MICAL3: variants seen among roughly 807,000 people sequenced by gnomAD.
The protein encoded by MICAL3 is microtubule associated monooxygenase, calponin and LIM domain containing 3.
In MICAL3, 62 loss-of-function variants were observed where a neutral mutation model predicts 207.4. The ratio of observed to expected loss-of-function variants is 0.30; its 90% CI spans 0.24 to 0.37. The LOEUF is 0.37. Ranked by LOEUF, MICAL3 falls within the 10% of genes least tolerant of loss-of-function variation. The pLI is 1.00. For synonymous variants in MICAL3, 1,077 were observed against 1,069.3 expected (o/e 1.01, Z -0.14); for missense variants, 2,368 against 2,635.6 (o/e 0.90, Z 2.22).
intron 1 of MICAL3, among the ~76,000 whole-genome samples, chr22:17,969,873 C>T (rs78087007): frequency 1.3e-3 from 203 of 152,298 alleles, no homozygotes; most frequent in African/African-American, 4.7e-3. Flanking sequence ...GCTGGGATGC[C>T]GTCTGTGACT....
chr22:17,984,854 C>T (rs1197089598), intron 1 of MICAL3, among the ~76,000 whole-genome samples: 5 of 152,194 alleles, frequency 3.3e-5, no homozygotes, highest in Non-Finnish European at 5.9e-5. Context: ...AAATAATCCA[C>T]CCAAAGCCAC....
At chr22:17,878,419 C>T (rs1929095243) in intron 16 of MICAL3, among the ~76,000 whole-genome samples, 2 of 152,166 alleles carry the variant, frequency 1.3e-5, no homozygotes, top group Admixed American at 6.5e-5. Flanking sequence ...CTCCACTCTC[C>T]GACCCAGCAC....
intron 1 of MICAL3, among the ~76,000 whole-genome samples, chr22:18,014,789 C>T (rs773561266): frequency 1.3e-5 from 2 of 152,052 alleles, no homozygotes; most frequent in Non-Finnish European, 2.9e-5. Flanking sequence ...GTCAGGAGAT[C>T]GAGACCATCC....
intron 19 of MICAL3, among the ~76,000 whole-genome samples, chr22:17,856,246 A>G (rs873387): frequency 0.27 from 41,308 of 152,218 alleles, 5,708 homozygotes; most frequent in East Asian, 0.35. Context: ...CGGCACTGCA[A>G]GCTTTACTGT....
At chr22:17,806,030 C>T (rs1291557391) in intron 29 of MICAL3, among the ~76,000 whole-genome samples, 1 of 152,118 alleles carries the variant, frequency 6.6e-6, no homozygotes, top group Non-Finnish European at 1.5e-5. Context: ...GCGCCCGGCC[C>T]AAATGTTTTA....
At chr22:17,885,777 G>A (rs1174097944) in intron 16 of MICAL3, 101 bp downstream of exon 16, 14 of 1,257,920 alleles carry the variant, frequency 1.1e-5, no homozygotes, top group Admixed American at 1.8e-5. Flanking sequence ...GCCCACGAAC[G>A]CTGGGGTCTG....
At chr22:17,827,009 G>A (rs1398272278) in intron 22 of MICAL3, among the ~76,000 whole-genome samples, 2 of 152,240 alleles carry the variant, frequency 1.3e-5, no homozygotes, top group Non-Finnish European at 2.9e-5. Context: ...GACTCCGAGG[G>A]TGGGTATTTG....
intron 25 of MICAL3, among the ~76,000 whole-genome samples, chr22:17,820,132 GA>G (rs1921412188): frequency 7.8e-6 from 1 of 127,786 alleles, no homozygotes; most frequent in Non-Finnish European, 1.6e-5. Context: ...AAGAGACTGA[GA>G]CCCTGTCTCA....
intron 16 of MICAL3, chr22:17,875,577 A>C (rs1284291569): frequency 9.6e-6 from 14 of 1,455,454 alleles, no homozygotes; most frequent in Non-Finnish European, 1.3e-5. Flanking sequence ...AGATGGAGAA[A>C]AACAAAAGTA....
chr22:17,996,256 G>A (rs528379532), intron 1 of MICAL3, among the ~76,000 whole-genome samples: 6 of 151,832 alleles, frequency 4.0e-5, no homozygotes, highest in South Asian at 2.1e-4. Context: ...TGGCTAACAC[G>A]GTGAAACCTT....
chr22:17,847,258 G>A (rs1166806144), intron 19 of MICAL3, among the ~76,000 whole-genome samples: 1 of 152,174 alleles, frequency 6.6e-6, no homozygotes, highest in Non-Finnish European at 1.5e-5. Context: ...GGCCTCTTCT[G>A]CCTCTTTCTG....
chr22:17,928,615 A>G (rs1415120316), intron 1 of MICAL3, among the ~76,000 whole-genome samples: 1 of 152,212 alleles, frequency 6.6e-6, no homozygotes, highest in Non-Finnish European at 1.5e-5. Flanking sequence ...AATGCAGTAC[A>G]TGCACCACGC....
chr22:17,976,574 TATA>T (rs1569154114), intron 1 of MICAL3, among the ~76,000 whole-genome samples: 3 of 95,234 alleles, frequency 3.2e-5, no homozygotes, highest in Admixed American at 1.2e-4. Flanking sequence ...TATATATATA[TATA>T]TATATATATA....
At chr22:17,866,342 A>G (rs1927110316) in intron 17 of MICAL3, among the ~76,000 whole-genome samples, 1 of 152,234 alleles carries the variant, frequency 6.6e-6, no homozygotes, top group Non-Finnish European at 1.5e-5. Context: ...TGAGGAACAA[A>G]GATGTGGTCA....
rs560607024 is a variant in MICAL3 at position 17,998,281 on chromosome 22, C to T, written c.-75+26000G>A. 5.4e-4 allele frequency among the ~76,000 whole-genome samples: 45 copies of T among 83,870 alleles called. No homozygotes were observed. In the South Asian group the frequency reaches 5.4e-3, roughly 10 times the overall value. 55.0% of individuals were successfully genotyped at this position (83,870 alleles called of 152,430 possible). ...GCGCCATTGCACTCCAGACTGGGCG[C>T]GACAGAGCAAGAGACTCCGTCTCAA... On this transcript the variant is annotated intron_variant, in intron 1 of 31. Transcript: ENST00000441493.
intron 27 of MICAL3, among the ~76,000 whole-genome samples, chr22:17,816,295 T>G (rs2146003907): frequency 6.6e-6 from 1 of 152,314 alleles, no homozygotes; most frequent in South Asian, 2.1e-4. Context: ...GCTCTGTGCC[T>G]AAGGTCCCAG....
intron 1 of MICAL3, among the ~76,000 whole-genome samples, chr22:17,999,660 G>A (rs1305093708): frequency 6.6e-6 from 1 of 152,200 alleles, no homozygotes; most frequent in African/African-American, 2.4e-5. Context: ...CCCAGGTGGG[G>A]GTTTGGGGGG....
intron 1 of MICAL3, among the ~76,000 whole-genome samples, chr22:17,940,771 C>T (rs560619738): frequency 6.6e-6 from 1 of 152,244 alleles, no homozygotes; most frequent in South Asian, 2.1e-4. Flanking sequence ...GAACCTTTTC[C>T]AGATCTGTGG....
At chr22:17,887,957 AG>A (rs2146224400) in intron 13 of MICAL3, among the ~76,000 whole-genome samples, 1 of 152,342 alleles carries the variant, frequency 6.6e-6, no homozygotes, top group South Asian at 2.1e-4. Context: ...ATGGCTAACC[AG>A]GAAAAGCCAC....
Sources: allele counts gnomAD v4.1 joint callset (sites outside exome capture counted in the v4.1 genomes callset), GRCh38; gene constraint gnomAD v4.1.1; transcripts MANE v1.5; gene names NCBI Gene and HGNC (gene_info 2026-07-23, HGNC 2026-07-21).